GAS2: variants seen among roughly 807,000 people sequenced by gnomAD.
GAS2 encodes growth arrest-specific protein 2.
Under a neutral mutation model 37.5 loss-of-function variants are expected in GAS2, and 20 were observed. The observed-to-expected ratio is 0.53, with a 90% CI of 0.37 to 0.77. The LOEUF is 0.77. Among genes scored for constraint, GAS2 ranks in the 30% least tolerant of loss-of-function variants. The pLI, the probability that GAS2 is intolerant of heterozygous loss-of-function variation, is 0.00. For synonymous variants in GAS2, 144 were observed against 132.2 expected (o/e 1.09, Z -0.61); for missense variants, 336 against 373.4 (o/e 0.90, Z 0.82).
chr11:22,646,732 C>G (rs952159145), intron 1 of GAS2, among the ~76,000 whole-genome samples: 1 of 152,070 alleles, frequency 6.6e-6, no homozygotes, highest in Non-Finnish European at 1.5e-5. Context: ...AAGCAAAAAC[C>G]TACTTCATAC....
intron 7 of GAS2, among the ~76,000 whole-genome samples, chr11:22,803,065 G>T (rs902679860): frequency 1.3e-5 from 2 of 152,096 alleles, no homozygotes; most frequent in Admixed American, 1.3e-4. Context: ...CTCAGAATGT[G>T]TTCTCATTGT....
At chr11:22,661,826 A>AT (rs1001330751), upstream of GAS2, among the ~76,000 whole-genome samples, 3 of 152,088 alleles carry the variant, frequency 2.0e-5, no homozygotes, top group Non-Finnish European at 2.9e-5. Flanking sequence ...CTTTTTATTG[A>AT]TTTTCCCCTT....
At chr11:22,712,119 C>T (rs556195508) in intron 3 of GAS2, among the ~76,000 whole-genome samples, 70 of 152,312 alleles carry the variant, frequency 4.6e-4, no homozygotes, top group African/African-American at 1.7e-3. Context: ...CAACTCATAA[C>T]AGAACAACCC....
At chr11:22,793,770 G>A (rs992979111) in intron 7 of GAS2, among the ~76,000 whole-genome samples, 1 of 152,170 alleles carries the variant, frequency 6.6e-6, no homozygotes, top group African/African-American at 2.4e-5. Context: ...GTTGTGTTTT[G>A]TGATCAGAGG....
At chr11:22,706,503 G>C (rs1190268243) in intron 3 of GAS2, among the ~76,000 whole-genome samples, 1 of 150,052 alleles carries the variant, frequency 6.7e-6, no homozygotes, top group Non-Finnish European at 1.5e-5. Flanking sequence ...CCCCACAACA[G>C]TCCCCGGAGT....
At chr11:22,800,841 G>A (rs931591028) in intron 7 of GAS2, among the ~76,000 whole-genome samples, 5 of 151,928 alleles carry the variant, frequency 3.3e-5, no homozygotes, top group African/African-American at 1.2e-4. Flanking sequence ...TTTCCTGTTG[G>A]GTAGTTTTTA....
intron 7 of GAS2, among the ~76,000 whole-genome samples, chr11:22,801,481 ATAAAAT>A (rs1856662921): frequency 6.6e-6 from 1 of 151,842 alleles, no homozygotes; most frequent in African/African-American, 2.4e-5. Flanking sequence ...TGTTAGGAAA[ATAAAAT>A]TAAAAGGTCT....
At chr11:22,806,700 T>A (rs1564897452) in intron 7 of GAS2, among the ~76,000 whole-genome samples, 2 of 152,150 alleles carry the variant, frequency 1.3e-5, no homozygotes. Context: ...AAATTATAGG[T>A]TACTAATTAG....
chr11:22,679,051 T>C (rs927350850), intron 2 of GAS2, among the ~76,000 whole-genome samples: 2 of 152,058 alleles, frequency 1.3e-5, no homozygotes, highest in Non-Finnish European at 2.9e-5. Context: ...GTAGCTGGGA[T>C]TTCTCTAGGG....
chr11:22,755,812 A>G (rs1427354022), intron 6 of GAS2, 34 bp from the exon 7 acceptor site: 2 of 1,503,118 alleles, frequency 1.3e-6, no homozygotes, highest in Non-Finnish European at 1.9e-6. Flanking sequence ...CAGCCTAATT[A>G]AGACAAATGA....
chr11:22,810,709 C>T (rs1244035290), intron 7 of GAS2, among the ~76,000 whole-genome samples: 2 of 152,090 alleles, frequency 1.3e-5, no homozygotes, highest in Non-Finnish European at 2.9e-5. Context: ...ATTTTAGATA[C>T]AGGCATATAG....
chr11:22,804,105 T>A (rs985818222), intron 7 of GAS2, among the ~76,000 whole-genome samples: 4 of 152,062 alleles, frequency 2.6e-5, no homozygotes, highest in African/African-American at 7.2e-5. Context: ...GGGGTGATGT[T>A]TTGAACATCA....
chr11:22,751,055 G>A (rs1485376901), intron 6 of GAS2, among the ~76,000 whole-genome samples: 1 of 151,932 alleles, frequency 6.6e-6, no homozygotes, highest in East Asian at 1.9e-4. Context: ...CTACCAGAAG[G>A]ATAAAACTAA....
At chr11:22,700,052 C>T (rs968548548) in intron 3 of GAS2, among the ~76,000 whole-genome samples, 1 of 152,092 alleles carries the variant, frequency 6.6e-6, no homozygotes, top group African/African-American at 2.4e-5. Flanking sequence ...TAGATCTGGC[C>T]TCTTTCTTAC....
chr11:22,673,224 C>T (rs1490670030), intron 1 of GAS2, among the ~76,000 whole-genome samples: 1 of 152,114 alleles, frequency 6.6e-6, no homozygotes, highest in African/African-American at 2.4e-5. Context: ...TTTTTCTAAA[C>T]ACCAGTGTCT....
At chr11:22,761,731 C>T (rs756023850) in intron 7 of GAS2, among the ~76,000 whole-genome samples, 1 of 152,186 alleles carries the variant, frequency 6.6e-6, no homozygotes, top group African/African-American at 2.4e-5. Context: ...CTCCCAAACT[C>T]GTGTGGAAAA....
Position 22,652,505 on chromosome 11 carries a change from C to T in GAS2, c.-20-22345C>T, listed in dbSNP as rs560930222. On this transcript the variant is annotated intron_variant, in intron 1 of 5. Coordinates refer to the GAS2 transcript ENST00000528582. ...CTAAGCAAGCCTGGGCAATGGCGGGCGCCCCTTCCCCAGCCTGGCTGCCGC... is the reference window on the plus strand; with the variant it reads ...CTAAGCAAGCCTGGGCAATGGCGGGTGCCCCTTCCCCAGCCTGGCTGCCGC... Among the ~76,000 whole-genome samples, 16 of 152,296 alleles carry T rather than the reference C, an allele frequency of 1.1e-4. No individual in the cohort carries two copies. In the South Asian group the frequency reaches 1.9e-3, roughly 18 times the overall value.
chr11:22,716,643 CAAAA>C (rs71037523), intron 3 of GAS2, among the ~76,000 whole-genome samples: 1 of 132,540 alleles, frequency 7.5e-6, no homozygotes. Context: ...GTCTCTGTCT[CAAAA>C]AAAAAAAAAA....
intron 4 of GAS2, among the ~76,000 whole-genome samples, chr11:22,728,295 A>C (rs1852307035): frequency 6.6e-6 from 1 of 151,970 alleles, no homozygotes; most frequent in Non-Finnish European, 1.5e-5. Context: ...TAGAAATAGC[A>C]CTATAGGTGA....
Sources: allele counts gnomAD v4.1 joint callset (sites outside exome capture counted in the v4.1 genomes callset), GRCh38; gene constraint gnomAD v4.1.1; transcripts MANE v1.5; gene names NCBI Gene and HGNC (gene_info 2026-07-23, HGNC 2026-07-21).